Variants in GRIK4 observed in about 807,000 individuals in gnomAD.
The protein encoded by GRIK4 is glutamate receptor ionotropic, kainate 4.
GRIK4 carries 40 observed loss-of-function variants against 104.9 expected under a neutral mutation model. The observed-to-expected ratio is 0.38, with a 90% confidence interval of 0.30 to 0.50. The LOEUF is 0.50. GRIK4 is among the 20% of genes least tolerant of loss of function. GRIK4 has a pLI of 0.93. For missense variants in GRIK4, 1,047 were observed against 1,308.1 expected, an observed-to-expected ratio of 0.80 and a Z score of 3.08; for synonymous variants, 485 against 524.9, an observed-to-expected ratio of 0.92 and a Z score of 1.04.
At chr11:120,855,791 G>A (rs1954091358) in intron 8 of GRIK4, among the ~76,000 whole-genome samples, 1 of 152,250 alleles carries the variant, frequency 6.6e-6, no homozygotes, top group Admixed American at 6.5e-5. Context: ...CCGGACTCCT[G>A]ACTCCAGGTA....
chr11:120,627,334 C>T (rs961076617), intron 1 of GRIK4, among the ~76,000 whole-genome samples: 1 of 152,246 alleles, frequency 6.6e-6, no homozygotes, highest in African/African-American at 2.4e-5. Flanking sequence ...GGAGAAGCCA[C>T]ACAGCGCAGT....
chr11:120,917,596 G>A (rs1943139445), intron 13 of GRIK4, among the ~76,000 whole-genome samples: 1 of 152,228 alleles, frequency 6.6e-6, no homozygotes. Flanking sequence ...CTCTGGGAGA[G>A]CAGTCTCCAG....
At chr11:120,929,330 C>T (rs12225735) in intron 13 of GRIK4, among the ~76,000 whole-genome samples, 25,601 of 151,970 alleles carry the variant, frequency 0.17, 2,593 homozygotes, top group East Asian at 0.32. Flanking sequence ...AGGGATGAGC[C>T]CTGCGGATGC....
chr11:120,566,733 C>T (rs186623281), intron 1 of GRIK4, among the ~76,000 whole-genome samples: 1,921 of 143,112 alleles, frequency 0.013, 50 homozygotes, highest in African/African-American at 0.046. Flanking sequence ...GAGACGGCGT[C>T]TCACTCTGTT....
intron 3 of GRIK4, among the ~76,000 whole-genome samples, chr11:120,740,498 A>ACT (rs1490176856): frequency 6.6e-6 from 1 of 151,912 alleles, no homozygotes; most frequent in Non-Finnish European, 1.5e-5. Flanking sequence ...CCCAGCTGGG[A>ACT]CTCTGAGCAT....
chr11:120,551,184 G>A (rs1434232739), intron 1 of GRIK4, among the ~76,000 whole-genome samples: 1 of 152,078 alleles, frequency 6.6e-6, no homozygotes, highest in African/African-American at 2.4e-5. Flanking sequence ...TTTGGTGGTG[G>A]GAAGTTAACG....
chr11:120,669,440 T>C (rs1418320550), intron 3 of GRIK4, among the ~76,000 whole-genome samples: 1 of 152,196 alleles, frequency 6.6e-6, no homozygotes, highest in Non-Finnish European at 1.5e-5. Context: ...TTCTTCTTCC[T>C]TTTACAGCAA....
chr11:120,798,623 G>A (rs139586897), intron 3 of GRIK4, among the ~76,000 whole-genome samples: 1,855 of 152,220 alleles, frequency 0.012, 34 homozygotes, highest in African/African-American at 0.041. Context: ...GGGATTACAC[G>A]CACACACCAC....
intron 20 of GRIK4, 28 bp downstream of exon 20, chr11:120,982,252 C>T (rs499804): frequency 4.1e-6 from 5 of 1,211,294 alleles, no homozygotes; most frequent in East Asian, 2.3e-5. Context: ...TATGATCGAT[C>T]GTGTTGGCAG....
intron 19 of GRIK4, among the ~76,000 whole-genome samples, chr11:120,973,087 T>A (rs1371175266): frequency 6.6e-6 from 1 of 152,212 alleles, no homozygotes; most frequent in Non-Finnish European, 1.5e-5. Context: ...ACACTGGATT[T>A]AAGTGAATTT....
intron 9 of GRIK4, among the ~76,000 whole-genome samples, chr11:120,863,688 T>C (rs1954319229): frequency 6.6e-6 from 1 of 152,258 alleles, no homozygotes; most frequent in Admixed American, 6.5e-5. Context: ...CTGTCTCTGA[T>C]AAGACATGCC....
chr11:120,914,391 G>C (rs560177971), intron 13 of GRIK4, among the ~76,000 whole-genome samples: 2 of 152,316 alleles, frequency 1.3e-5, no homozygotes, highest in East Asian at 3.9e-4. Flanking sequence ...TGGCAGGTGA[G>C]GTGGCAAAAC....
At chr11:120,802,288 G>A (rs1023200659) in intron 3 of GRIK4, among the ~76,000 whole-genome samples, 2 of 152,120 alleles carry the variant, frequency 1.3e-5, no homozygotes, top group African/African-American at 4.8e-5. Flanking sequence ...TCACCTCAGG[G>A]AGAGTTTCTC....
intron 3 of GRIK4, among the ~76,000 whole-genome samples, chr11:120,741,893 T>G (rs1951339882): frequency 6.6e-6 from 1 of 152,112 alleles, no homozygotes; most frequent in East Asian, 1.9e-4. Context: ...CTGGGGGAAT[T>G]CTCTGGCTAA....
intron 13 of GRIK4, among the ~76,000 whole-genome samples, chr11:120,932,660 C>G (rs999648245): frequency 6.6e-6 from 1 of 152,134 alleles, no homozygotes; most frequent in Non-Finnish European, 1.5e-5. Flanking sequence ...TTCTGGGTAG[C>G]GTTTTCTCAT....
intron 3 of GRIK4, among the ~76,000 whole-genome samples, chr11:120,694,132 G>T (rs1050065146): frequency 1.3e-5 from 2 of 152,202 alleles, no homozygotes; most frequent in Non-Finnish European, 2.9e-5. Context: ...TAGACAGCTG[G>T]ATGCATAGGC....
chr11:120,926,644 G>T (rs1943351549), intron 13 of GRIK4, among the ~76,000 whole-genome samples: 1 of 152,190 alleles, frequency 6.6e-6, no homozygotes, highest in Non-Finnish European at 1.5e-5. Context: ...GAGAGCCAAG[G>T]ATAGAGAATA....
At chr11:120,585,233 C>T (rs1303893995) in intron 1 of GRIK4, among the ~76,000 whole-genome samples, 1 of 152,186 alleles carries the variant, frequency 6.6e-6, no homozygotes, top group Non-Finnish European at 1.5e-5. Context: ...GCTTCCACAA[C>T]TTGGCTATTG....
At chr11:120,519,870 T>G (rs990234602) in intron 1 of GRIK4, among the ~76,000 whole-genome samples, 1 of 114,202 alleles carries the variant, frequency 8.8e-6, no homozygotes, top group Non-Finnish European at 1.8e-5. Context: ...TACTGGTTTT[T>G]TTTTTTTTTG....
Sources: gnomAD v4.1 joint callset for allele counts (sites outside exome capture counted in the v4.1 genomes callset) on GRCh38, gnomAD v4.1.1 for gene constraint, MANE v1.5 for transcripts, NCBI Gene and HGNC (gene_info 2026-07-23, HGNC 2026-07-21) for gene names.